Variants in TIMM23 observed in about 807,000 individuals in gnomAD.
TIMM23 encodes the protein mitochondrial import inner membrane translocase subunit Tim23.
Under a neutral mutation model 30.7 loss-of-function variants are expected in TIMM23, and 19 were observed. The observed-to-expected ratio is 0.62, with a 90% CI of 0.43 to 0.91. TIMM23 has a LOEUF of 0.91. TIMM23 is among the 40% of genes least tolerant of loss of function. The pLI, the probability that TIMM23 is intolerant of heterozygous loss-of-function variation, is 0.00. For synonymous variants in TIMM23, 78 were observed against 98.5 expected (o/e 0.79, Z 1.23); for missense variants, 202 against 269.2 (o/e 0.75, Z 1.75).
intron 1 of TIMM23, 64 bp downstream of exon 1, chr10:45,972,794 G>A (rs1478155323): frequency 3.6e-5 from 57 of 1,594,586 alleles, no homozygotes; most frequent in Non-Finnish European, 4.7e-5. Context: ...TAAGTTGCGC[G>A]TCCCATGTTT....
intron 6 of TIMM23, among the ~76,000 whole-genome samples, chr10:45,993,268 T>A (rs1180686782): frequency 1.4e-5 from 2 of 143,536 alleles, no homozygotes; most frequent in Admixed American, 7.3e-5. Context: ...TTTTGGAGAC[T>A]GAGTTTCACT....
Position 46,003,358 on chromosome 10 carries a change from C to T in TIMM23, c.*40C>T. Reference sequence around the variant, plus strand: ...CATGAATGGAGGACACTTCAGTAGTCATCTAGATCCTTTTATAAGACAGTT... The same window carrying T: ...CATGAATGGAGGACACTTCAGTAGTTATCTAGATCCTTTTATAAGACAGTT... On this transcript the variant is annotated 3_prime_UTR_variant, in exon 7 of 7. Coordinates refer to ENST00000580018, the MANE Select transcript of TIMM23 (RefSeq NM_006327.4). The T allele has an allele frequency of 7.5e-7, 1 of 1,335,426 alleles. No individual in the cohort carries two copies. Among genetic ancestry groups the T allele is most frequent in the Non-Finnish European group, 1.1e-6 (1 of 933,134 alleles). The allele number at this position is 1,335,426 out of a possible 1,614,324, so 82.7% of individuals were successfully genotyped here.
intron 6 of TIMM23, 59 bp from the exon 7 acceptor site, chr10:46,003,144 G>A (rs779609486): frequency 4.2e-5 from 56 of 1,348,014 alleles, no homozygotes; most frequent in Non-Finnish European, 5.3e-5. Context: ...TAACCCTATC[G>A]TGCTAGGGCA....
chr10:45,973,643 TTTTG>T lies in TIMM23; in HGVS notation c.106+925_106+928del, dbSNP rs1294701577. 9.7e-4 allele frequency among the ~76,000 whole-genome samples: 147 copies of T among 152,282 alleles called. 1 individual carries two copies. The highest frequency in any genetic ancestry group is 3.1e-3 in the African/African-American group (128 of 41,548). ...CAACACATGGTGTTTTGTTTCGTTT[TTTTG>T]TTTGTTTGTTTTTAGAGTCAGGACC... On this transcript the variant is annotated intron_variant, in intron 1 of 6. Transcript: ENST00000580018.
intron 6 of TIMM23, among the ~76,000 whole-genome samples, chr10:45,991,906 A>G (rs1328984803): frequency 3.3e-5 from 5 of 151,788 alleles, no homozygotes; most frequent in Non-Finnish European, 7.4e-5. Context: ...CTCCCTCACC[A>G]CTGCCCCCAT....
At chr10:45,990,116 A>ATT (rs782791725) in intron 6 of TIMM23, among the ~76,000 whole-genome samples, 17 of 135,826 alleles carry the variant, frequency 1.3e-4, no homozygotes, top group Non-Finnish European at 1.7e-4. Context: ...GCAACTTTTA[A>ATT]TTTTTTTTTT....
chr10:45,999,783 G>A (rs1554917332), intron 6 of TIMM23, among the ~76,000 whole-genome samples: 1 of 152,130 alleles, frequency 6.6e-6, no homozygotes, highest in African/African-American at 2.4e-5. Context: ...ATAAGCCTGG[G>A]AGCGCTATGG....
chr10:45,984,472 C>T (rs1164850803), intron 4 of TIMM23: 5 of 152,270 alleles, frequency 3.3e-5, no homozygotes, highest in African/African-American at 1.2e-4. Context: ...CAATATACTT[C>T]TGTTTGTAAA....
At position 45,982,563 on chromosome 10, in the gene TIMM23, C is replaced by T; in HGVS notation, c.206C>T (p.Thr69Ile). 1.2e-6 allele frequency: 2 copies of T among 1,613,898 alleles called. No individual in the cohort carries two copies. Among genetic ancestry groups the T allele is most frequent in the South Asian group, 2.2e-5 (2 of 91,078 alleles). The change falls in exon 3 of 7, where the codon ACC becomes ATC. Residue 69 changes from threonine to isoleucine, a missense_variant. Physicochemically the swap from Thr to Ile is moderately conservative, Grantham distance 89. Transcript: ENST00000580018. ...EFILPTGANKTRGRFELAFFT... is the reference protein window; with the variant it reads ...EFILPTGANKIRGRFELAFFT... The stretch of plus-strand genomic sequence containing the variant: ...ATTTTACCTACCGGAGCTAATAAAA[C>T]CCGGGGCAGATTTGAGCTGGCCTTC...
chr10:45,987,326 T>G (rs1384060234), intron 5 of TIMM23, among the ~76,000 whole-genome samples: 1 of 152,088 alleles, frequency 6.6e-6, no homozygotes, highest in Non-Finnish European at 1.5e-5. Context: ...TTTCCCCACA[T>G]ACCAAGTAAT....
chr10:45,986,152 G>A (rs1488711512), intron 5 of TIMM23, among the ~76,000 whole-genome samples: 5 of 152,176 alleles, frequency 3.3e-5, no homozygotes, highest in East Asian at 1.9e-4. Context: ...TAGAAAAAGC[G>A]TTTGTTATGG....
chr10:45,982,690 A>G, intron 3 of TIMM23, 74 bp downstream of exon 3: 1 of 1,591,308 alleles, frequency 6.3e-7, no homozygotes, highest in Admixed American at 1.7e-5. Context: ...AAAAGCAATT[A>G]GAATGTTGGT....
At chr10:45,976,268 G>C (rs868963284) in intron 2 of TIMM23, among the ~76,000 whole-genome samples, 5,941 of 150,666 alleles carry the variant, frequency 0.039, 300 homozygotes, top group African/African-American at 0.14. Context: ...TATCTCAATA[G>C]ATTCACAAAA....
intron 2 of TIMM23, among the ~76,000 whole-genome samples, chr10:45,981,318 G>C (rs1375457499): frequency 8.1e-6 from 1 of 123,244 alleles, no homozygotes; most frequent in African/African-American, 3.2e-5. Context: ...CATGGCCTGA[G>C]ACTGAAGAAT....
intron 6 of TIMM23, among the ~76,000 whole-genome samples, chr10:45,991,863 A>C (rs1838173193): frequency 6.6e-6 from 1 of 151,860 alleles, no homozygotes; most frequent in South Asian, 2.1e-4. Context: ...AATATATGTG[A>C]CTTTGAATAG....
chr10:45,979,606 C>CTTT (rs1171770886), intron 2 of TIMM23, among the ~76,000 whole-genome samples: 1,587 of 54,424 alleles, frequency 0.029, 243 homozygotes, highest in East Asian at 0.051. Context: ...CATGCCTGGC[C>CTTT]TTTTTTTTTT....
At chr10:45,995,373 G>T (rs1464301382) in intron 6 of TIMM23, among the ~76,000 whole-genome samples, 2 of 150,184 alleles carry the variant, frequency 1.3e-5, no homozygotes, top group Non-Finnish European at 3.0e-5. Flanking sequence ...GTTAGAAAAT[G>T]GAGTGGAGGG....
chr10:45,991,322 G>T (rs1436676470), intron 6 of TIMM23, among the ~76,000 whole-genome samples: 25 of 152,330 alleles, frequency 1.6e-4, no homozygotes, highest in African/African-American at 3.6e-4. Context: ...TTGGACAGAG[G>T]ATTAGAATTA....
chr10:45,972,806 A>G, intron 1 of TIMM23, 76 bp downstream of exon 1: 2 of 1,570,272 alleles, frequency 1.3e-6, no homozygotes, highest in South Asian at 2.3e-5. Context: ...CCCATGTTTT[A>G]TGTTGTTGTT....
Sources: gnomAD v4.1 joint callset for allele counts (sites outside exome capture counted in the v4.1 genomes callset) on GRCh38, gnomAD v4.1.1 for gene constraint, MANE v1.5 for transcripts, NCBI Gene and HGNC (gene_info 2026-07-23, HGNC 2026-07-21) for gene names.